Variants in DNAH14 observed in about 807,000 individuals in gnomAD.
The protein encoded by DNAH14 is axonemal beta dynein heavy chain 14.
DNAH14 carries 478 observed loss-of-function variants against 520.9 expected under a neutral mutation model. The ratio of observed to expected loss-of-function variants is 0.92; its 90% confidence interval spans 0.85 to 0.99. The LOEUF is 0.99. Ranked by LOEUF, DNAH14 falls within the 50% of genes least tolerant of loss-of-function variation. The pLI is 0.00. For synonymous variants in DNAH14, 1,581 were observed against 1,757.2 expected (o/e 0.90, Z 2.51); for missense variants, 4,831 against 5,234.5 (o/e 0.92, Z 2.38).
intron 25 of DNAH14, among the ~76,000 whole-genome samples, chr1:225,118,859 G>T (rs1284287515): frequency 1.4e-5 from 2 of 146,580 alleles, no homozygotes; most frequent in Non-Finnish European, 3.0e-5. Context: ...CTCCAGCCTG[G>T]GTGACAGAAC....
At chr1:225,114,801 C>T (rs2076741550) in intron 23 of DNAH14, among the ~76,000 whole-genome samples, 2 of 152,150 alleles carry the variant, frequency 1.3e-5, no homozygotes, top group South Asian at 4.1e-4. Flanking sequence ...CTCTCTCTCC[C>T]CCAAGCACAC....
chr1:225,173,620 G>T (rs922356335), intron 36 of DNAH14, among the ~76,000 whole-genome samples: 2 of 152,168 alleles, frequency 1.3e-5, no homozygotes, highest in African/African-American at 4.8e-5. Flanking sequence ...ACAGGTGCTG[G>T]AGAGGATGTG....
intron 13 of DNAH14, 65 bp downstream of exon 13, chr1:225,043,179 TG>T: frequency 6.9e-7 from 1 of 1,440,588 alleles, no homozygotes; most frequent in South Asian, 1.4e-5. Context: ...CCTGCAATCC[TG>T]GCACTCTGGG....
At chr1:224,999,180 T>A (rs2063584996) in intron 8 of DNAH14, among the ~76,000 whole-genome samples, 1 of 152,142 alleles carries the variant, frequency 6.6e-6, no homozygotes, top group Non-Finnish European at 1.5e-5. Context: ...CATATAGTTG[T>A]GCCATGGATT....
chr1:225,099,035 G>A lies in DNAH14; in HGVS notation c.3696-1678G>A, dbSNP rs1328853074. 3.9e-5 allele frequency among the ~76,000 whole-genome samples: 6 copies of A among 152,076 alleles called. No homozygotes were observed. The South Asian group carries it at 6.2e-4, about 16-fold the overall frequency. ...TCATTAAAGGGGCAGACTCTCTAAC[G>A]GGAATATATGAGAGTATAGAATGCA... On this transcript the variant is annotated intron_variant, in intron 22 of 85. Coordinates refer to ENST00000682510, the MANE Select transcript of DNAH14 (RefSeq NM_001367479.1).
rs1575056219 is a variant in DNAH14 at position 225,368,130 on chromosome 1, G to A, written c.12318+98G>A. The A allele has an allele frequency of 2.2e-5, 24 of 1,088,232 alleles. No individual in the cohort carries two copies. The East Asian group carries it at 5.9e-4, about 27-fold the overall frequency. 67.4% of individuals were successfully genotyped at this position (1,088,232 alleles called of 1,614,324 possible). A position where few individuals can be genotyped will look rare whatever the true frequency, so the allele number is the denominator to read the frequency against. On this transcript the variant is annotated intron_variant, in intron 77 of 85. Coordinates refer to ENST00000682510, the MANE Select transcript of DNAH14 (RefSeq NM_001367479.1). ...TACACAAATGTGAGTGTTTTACATG[G>A]TGGTAAGAAAATGAACTCTATAACT...
At chr1:225,224,835 A>G (rs1192755496) in intron 41 of DNAH14, among the ~76,000 whole-genome samples, 1 of 152,160 alleles carries the variant, frequency 6.6e-6, no homozygotes, top group African/African-American at 2.4e-5. Context: ...TGCTTAGCCC[A>G]TCAATATTGT....
rs1228127646 is a variant in DNAH14, at chr1:225,147,170, C to T, written c.4861C>T (p.Leu1621=). The change falls in exon 31 of 86, where the codon CTA becomes TTA. Residue 1621 remains leucine, a synonymous_variant. Coordinates refer to ENST00000682510, the MANE Select transcript of DNAH14 (RefSeq NM_001367479.1). ...ATGGAGTTGTTTTGATGAATTCAAT[C>T]TAATTGATTTGGAAGTTCTCTCTGT... ...GAWSCFDEFN[L]IDLEVLSVIA... 2.6e-6 allele frequency: 4 copies of T among 1,550,498 alleles called. No homozygotes were observed. The highest frequency in any genetic ancestry group is 3.5e-6 in the Non-Finnish European group (4 of 1,146,518).
At chr1:225,037,454 G>A (rs887858505) in intron 11 of DNAH14, among the ~76,000 whole-genome samples, 2 of 151,978 alleles carry the variant, frequency 1.3e-5, no homozygotes, top group African/African-American at 2.4e-5. Context: ...TTTAACCTCA[G>A]GACAACTTAA....
At chr1:225,360,488 TATC>T (rs1207633798) in intron 74 of DNAH14, among the ~76,000 whole-genome samples, 190 bp from the exon 75 acceptor site, 14 of 152,216 alleles carry the variant, frequency 9.2e-5, no homozygotes, top group African/African-American at 3.1e-4. Flanking sequence ...TAGATATTGT[TATC>T]ATCCTCGTGT....
intron 8 of DNAH14, among the ~76,000 whole-genome samples, chr1:224,982,702 C>G (rs2062359630): frequency 6.6e-6 from 1 of 152,104 alleles, no homozygotes; most frequent in Non-Finnish European, 1.5e-5. Context: ...CATTTTTGAT[C>G]CAGTGCTCAT....
rs1028612932 is a variant in DNAH14, at chr1:225,357,669, AT to A, written c.11620-826del. 1.3e-5 allele frequency: 7 copies of A among 552,668 alleles called. No homozygotes were observed. The African/African-American group carries it at 1.3e-4, about 10-fold the overall frequency. 34.2% of individuals were successfully genotyped at this position (552,668 alleles called of 1,614,324 possible). On this transcript the variant is annotated intron_variant, in intron 73 of 85. Transcript: ENST00000682510. The stretch of plus-strand genomic sequence containing the variant: ...ACAGAAAAGAGCAGAATTCAGCATA[AT>A]GATTAAATGTGCTGTGTTAAACATA...
intron 27 of DNAH14, among the ~76,000 whole-genome samples, chr1:225,127,296 T>C (rs867122716): frequency 3.3e-5 from 5 of 151,808 alleles, no homozygotes; most frequent in Admixed American, 2.0e-4. Context: ...CTGTCTAATG[T>C]TGACAGTGGG....
chr1:225,321,209 A>C (rs1462639687), intron 61 of DNAH14, among the ~76,000 whole-genome samples: 1 of 152,222 alleles, frequency 6.6e-6, no homozygotes, highest in African/African-American at 2.4e-5. Flanking sequence ...AATGAGACTA[A>C]AGATTAAATC....
chr1:225,240,533 T>C, intron 42 of DNAH14, 60 bp from the exon 43 acceptor site: 1 of 1,020,344 alleles, frequency 9.8e-7, no homozygotes, highest in Non-Finnish European at 1.4e-6. Context: ...AGTAAATTTC[T>C]ATTCTTAAAC....
chr1:225,037,044 C>T (rs879548533), intron 11 of DNAH14, among the ~76,000 whole-genome samples: 6 of 152,034 alleles, frequency 3.9e-5, no homozygotes, highest in Non-Finnish European at 7.4e-5. Flanking sequence ...TATAACTACT[C>T]CTCTTTTATG....
intron 65 of DNAH14, among the ~76,000 whole-genome samples, chr1:225,332,327 A>C (rs1481523985): frequency 6.6e-6 from 1 of 152,234 alleles, no homozygotes; most frequent in Non-Finnish European, 1.5e-5. Context: ...AAGCAGATGG[A>C]TGTCCCTGAG....
intron 1 of DNAH14, among the ~76,000 whole-genome samples, chr1:224,946,913 TA>T (rs1276799496): frequency 6.9e-6 from 1 of 144,080 alleles, no homozygotes; most frequent in African/African-American, 2.7e-5. Context: ...ACGTTTCATC[TA>T]CTTTTTTTTT....
At chr1:225,171,641 C>A (rs1056336360) in intron 36 of DNAH14, among the ~76,000 whole-genome samples, 8 of 152,206 alleles carry the variant, frequency 5.3e-5, no homozygotes, top group African/African-American at 1.9e-4. Context: ...GCTTACCAAC[C>A]AAAAGAAGTC....
Sources: gnomAD v4.1 joint callset for allele counts (sites outside exome capture counted in the v4.1 genomes callset) on GRCh38, gnomAD v4.1.1 for gene constraint, MANE v1.5 for transcripts, NCBI Gene and HGNC (gene_info 2026-07-23, HGNC 2026-07-21) for gene names.